KSR2: variants seen among roughly 807,000 people sequenced by gnomAD.
The protein encoded by KSR2 is kinase suppressor of ras 2.
KSR2 carries 25 observed loss-of-function variants against 107.8 expected under a neutral mutation model. The ratio of observed to expected loss-of-function variants is 0.23; its 90% confidence interval spans 0.17 to 0.32. The LOEUF is 0.32. KSR2 is among the 10% of genes least tolerant of loss of function. The pLI, the probability that KSR2 is intolerant of heterozygous loss-of-function variation, is 1.00. For missense variants in KSR2, 887 were observed against 1,268.9 expected (o/e 0.70, Z 4.57); for synonymous variants, 480 against 507.0 (o/e 0.95, Z 0.71).
intron 4 of KSR2, among the ~76,000 whole-genome samples, chr12:117,714,372 T>G (rs895325378): frequency 1.3e-5 from 2 of 151,816 alleles, no homozygotes; most frequent in African/African-American, 4.8e-5. Context: ...TTGGGGAAGA[T>G]TGCACCTGTT....
rs148357285 is a variant in KSR2 at position 117,746,302 on chromosome 12, G to A, written c.986+14709C>T. On this transcript the variant is annotated intron_variant, in intron 4 of 19. Transcript: ENST00000339824. ...ACACATCTATAACCATCTGATCTTC[G>A]ACAAACCTGACAAAAACAAGCAATA... is the stretch of plus-strand genomic sequence containing the variant. 1.4e-3 allele frequency among the ~76,000 whole-genome samples: 208 copies of A among 152,062 alleles called. 1 individual carries two copies. Among genetic ancestry groups the A allele is most frequent in the African/African-American group, 4.6e-3 (192 of 41,476 alleles).
At chr12:117,785,414 CAAAAAAAAAA>C (rs374881532) in intron 3 of KSR2, among the ~76,000 whole-genome samples, 910 of 37,386 alleles carry the variant, frequency 0.024, 11 homozygotes, top group African/African-American at 0.052. Flanking sequence ...GACTCCATCT[CAAAAAAAAAA>C]AAAAAAAAAA....
intron 7 of KSR2, among the ~76,000 whole-genome samples, chr12:117,575,889 G>A (rs1020345683): frequency 1.3e-5 from 2 of 152,204 alleles, no homozygotes; most frequent in Non-Finnish European, 2.9e-5. Context: ...TGTCACACTT[G>A]TGTTGTAGAG....
chr12:117,880,922 G>A (rs1008490337), intron 1 of KSR2, among the ~76,000 whole-genome samples: 20 of 151,376 alleles, frequency 1.3e-4, no homozygotes, highest in Non-Finnish European at 1.9e-4. Flanking sequence ...TGCCTGCCTC[G>A]GCCTCCCAAA....
At chr12:117,635,442 G>A (rs1883020578) in intron 5 of KSR2, among the ~76,000 whole-genome samples, 1 of 151,962 alleles carries the variant, frequency 6.6e-6, no homozygotes, top group South Asian at 2.1e-4. Flanking sequence ...AAAAGAAAAG[G>A]AATTTAAAAT....
intron 1 of KSR2, among the ~76,000 whole-genome samples, chr12:117,864,104 G>C (rs1467810786): frequency 6.6e-6 from 1 of 152,102 alleles, no homozygotes; most frequent in African/African-American, 2.4e-5. Flanking sequence ...CACTTACCCG[G>C]GCAAGTGGTT....
chr12:117,699,296 T>A (rs1335820767), intron 4 of KSR2, among the ~76,000 whole-genome samples: 1 of 152,240 alleles, frequency 6.6e-6, no homozygotes, highest in Non-Finnish European at 1.5e-5. Flanking sequence ...GGTTACCCTT[T>A]TACTGAGTAT....
intron 3 of KSR2, among the ~76,000 whole-genome samples, chr12:117,850,625 T>A (rs1305019074): frequency 6.6e-6 from 1 of 152,062 alleles, no homozygotes; most frequent in Non-Finnish European, 1.5e-5. Context: ...TGGAGCAACA[T>A]GACAAAACTC....
At chr12:117,930,189 C>T (rs1374509751) in intron 1 of KSR2, among the ~76,000 whole-genome samples, 1 of 152,004 alleles carries the variant, frequency 6.6e-6, no homozygotes, top group Non-Finnish European at 1.5e-5. Flanking sequence ...ACACACCACC[C>T]ATCCAGATAA....
In KSR2 at chr12:117,947,187, AAAAGAAAGAAAAG is replaced by A. The variant is rs1389120100; in HGVS notation, c.180+20876_180+20888del. 1.4e-4 allele frequency among the ~76,000 whole-genome samples: 14 copies of A among 102,654 alleles called. 1 individual carries two copies. The East Asian group carries it at 2.4e-3, about 18-fold the overall frequency. 67.3% of individuals were successfully genotyped at this position (102,654 alleles called of 152,430 possible). A position where few individuals can be genotyped will look rare whatever the true frequency, so the allele number is the denominator to read the frequency against. ...TGTCAAAAGAAAGAAAGAAAGAAAG[AAAAGAAAGAAAAG>A]AAAGAAAAGAAAGAAAGAAAGAAAG... On this transcript the variant is annotated intron_variant, in intron 1 of 19. Coordinates refer to ENST00000339824, the MANE Select transcript of KSR2 (RefSeq NM_173598.6).
At chr12:117,534,620 C>A (rs1019890762) in intron 10 of KSR2, among the ~76,000 whole-genome samples, 19 of 152,038 alleles carry the variant, frequency 1.2e-4, no homozygotes, top group African/African-American at 4.6e-4. Context: ...CAGAATAATG[C>A]CTGCCCCTGC....
At chr12:117,561,317 C>T (rs1276800117) in intron 7 of KSR2, among the ~76,000 whole-genome samples, 1 of 152,156 alleles carries the variant, frequency 6.6e-6, no homozygotes, top group East Asian at 1.9e-4. Flanking sequence ...TGCTGTTGGT[C>T]ATGAATGTCA....
At chr12:117,685,852 T>C (rs1020040364) in intron 4 of KSR2, among the ~76,000 whole-genome samples, 2 of 152,174 alleles carry the variant, frequency 1.3e-5, no homozygotes, top group African/African-American at 4.8e-5. Flanking sequence ...CTGACCTAGC[T>C]CTGTCATTAC....
At chr12:117,881,685 C>T (rs2137322711) in intron 1 of KSR2, among the ~76,000 whole-genome samples, 1 of 152,292 alleles carries the variant, frequency 6.6e-6, no homozygotes, top group Middle Eastern at 3.4e-3. Flanking sequence ...AGCTGACTTG[C>T]CTTGCACAAT....
chr12:117,536,244 C>A (rs774923972), intron 10 of KSR2, among the ~76,000 whole-genome samples: 11 of 152,242 alleles, frequency 7.2e-5, no homozygotes, highest in Non-Finnish European at 1.2e-4. Context: ...CTGGCAGGGA[C>A]CCACAGGCAA....
intron 3 of KSR2, among the ~76,000 whole-genome samples, chr12:117,781,697 C>A (rs1161457781): frequency 6.6e-6 from 1 of 152,114 alleles, no homozygotes; most frequent in African/African-American, 2.4e-5. Flanking sequence ...GCCCCTGGCA[C>A]AAAATTTACA....
chr12:117,678,897 C>T (rs1163609996), intron 4 of KSR2, among the ~76,000 whole-genome samples: 3 of 152,174 alleles, frequency 2.0e-5, no homozygotes, highest in South Asian at 4.1e-4. Flanking sequence ...AAGAGGGATA[C>T]TGCCCAAGTG....
intron 4 of KSR2, among the ~76,000 whole-genome samples, chr12:117,677,708 A>G (rs1319473882): frequency 6.6e-6 from 1 of 152,182 alleles, no homozygotes; most frequent in African/African-American, 2.4e-5. Context: ...TGAGATTCTT[A>G]TTCTAGCGGT....
At position 117,467,151 on chromosome 12, in the gene KSR2, G is replaced by A; in HGVS notation, c.*48C>T. 2 of 671,056 alleles carry A rather than the reference G, an allele frequency of 3.0e-6. No homozygotes were observed. Among genetic ancestry groups the A allele is most frequent in the South Asian group, 3.6e-5 (2 of 55,464 alleles). 41.6% of individuals were successfully genotyped at this position (671,056 alleles called of 1,614,324 possible). A position where few individuals can be genotyped will look rare whatever the true frequency, so the allele number is the denominator to read the frequency against. ...TGGCAGAGGACAGAGTAGGGAGGGA[G>A]AGGTGACGGGAGCCCAGGCAGCTGG... On this transcript the variant is annotated 3_prime_UTR_variant, in exon 20 of 20. Transcript: ENST00000339824.
Sources: gnomAD v4.1 joint callset for allele counts (sites outside exome capture counted in the v4.1 genomes callset) on GRCh38, gnomAD v4.1.1 for gene constraint, MANE v1.5 for transcripts, NCBI Gene and HGNC (gene_info 2026-07-23, HGNC 2026-07-21) for gene names.